DGKZ: variants seen among roughly 807,000 people sequenced by gnomAD.
DGKZ encodes DAG kinase zeta.
In DGKZ, 45 loss-of-function variants were observed where a neutral mutation model predicts 142.5. That is an observed-to-expected ratio of 0.32 (90% CI 0.25 to 0.40). The LOEUF (loss-of-function observed/expected upper bound fraction) is 0.40. Ranked by LOEUF, DGKZ falls within the 10% of genes least tolerant of loss-of-function variation. The probability of loss-of-function intolerance (pLI) is 1.00; values close to 1 mark genes in which losing one functional copy is unlikely to be tolerated. For synonymous variants in DGKZ, 442 were observed against 527.0 expected (o/e 0.84, Z 2.21); for missense variants, 755 against 1,306.5 (o/e 0.58, Z 6.51).
exon 1 of DGKZ, chr11:46,333,144 C>A: frequency 1.3e-6 from 1 of 766,320 alleles, no homozygotes; most frequent in Non-Finnish European, 1.8e-6. Context: ...GCGTCGGCGT[C>A]GCTAGGGACC....
At chr11:46,340,374 G>A (rs1940219503) in intron 1 of DGKZ, among the ~76,000 whole-genome samples, 1 of 152,234 alleles carries the variant, frequency 6.6e-6, no homozygotes, top group African/African-American at 2.4e-5. Context: ...GGGGCTTGGT[G>A]TAGTCCAGGG....
At chr11:46,363,387 A>G (rs1942894059) in intron 1 of DGKZ, among the ~76,000 whole-genome samples, 1 of 152,182 alleles carries the variant, frequency 6.6e-6, no homozygotes, top group Non-Finnish European at 1.5e-5. Context: ...ACACAGGGAA[A>G]CTGAGGCCCG....
upstream of DGKZ, among the ~76,000 whole-genome samples, chr11:46,346,184 C>T (rs1316061412): frequency 1.3e-5 from 2 of 152,214 alleles, no homozygotes; most frequent in Non-Finnish European, 2.9e-5. Context: ...CCGCAGGTCA[C>T]AGCCCTAAGC....
chr11:46,356,217 T>A (rs1040982911), intron 1 of DGKZ, among the ~76,000 whole-genome samples: 4 of 152,034 alleles, frequency 2.6e-5, no homozygotes, highest in African/African-American at 9.7e-5. Flanking sequence ...AAGGGAGATA[T>A]ATTGGCATTC....
intron 1 of DGKZ, among the ~76,000 whole-genome samples, chr11:46,339,660 G>A (rs1940181686): frequency 6.6e-6 from 1 of 152,266 alleles, no homozygotes; most frequent in Non-Finnish European, 1.5e-5. Context: ...AAGGGGCACA[G>A]CCACTTGGGC....
upstream of DGKZ, chr11:46,347,308 C>T: frequency 7.1e-6 from 7 of 985,016 alleles, no homozygotes; most frequent in Non-Finnish European, 8.4e-6. This position sits in a 1 kb window ranked among gnomAD's most constrained non-coding sequence, Gnocchi z 6.4. Context: ...CATTCGTCGC[C>T]CCGCCCCTCG....
In DGKZ at chr11:46,374,260, G is replaced by A. The variant is rs200410251; in HGVS notation, c.1405+25G>A. The A allele has an allele frequency of 2.3e-5, 37 of 1,613,812 alleles. No homozygotes were observed. The East Asian group carries it at 7.8e-4, about 34-fold the overall frequency. The stretch of plus-strand genomic sequence containing the variant: ...GGTTGGCAGCCTCCCACTGAGGCCA[G>A]GGCAGGGTGGGCACAGGAGTGTCCC... On this transcript the variant is annotated intron_variant, in intron 15 of 30. Transcript: ENST00000527911.
chr11:46,373,525 A>T, intron 14 of DGKZ, among the ~76,000 whole-genome samples: 2 of 133,980 alleles, frequency 1.5e-5, no homozygotes, highest in African/African-American at 2.9e-5. Flanking sequence ...TTTGTGACAG[A>T]GTCTCACTGT....
chr11:46,360,678 C>T (rs558689764), intron 1 of DGKZ, among the ~76,000 whole-genome samples: 48 of 152,122 alleles, frequency 3.2e-4, no homozygotes, highest in African/African-American at 1.0e-3. Context: ...CCCAGCTACT[C>T]GGGAAGCTGG....
chr11:46,377,518 G>C, intron 25 of DGKZ: 1 of 431,670 alleles, frequency 2.3e-6, no homozygotes, highest in Admixed American at 4.1e-5. Context: ...CTTCCCGGCT[G>C]CCACGCCCTG....
At chr11:46,378,700 G>T in intron 27 of DGKZ, 200 bp downstream of exon 27, 1 of 864,496 alleles carries the variant, frequency 1.2e-6, no homozygotes, top group Non-Finnish European at 1.9e-6. Context: ...TCCTAGTAGG[G>T]GCTTCCTAGC....
Position 46,367,666 on chromosome 11 carries a change from T to G in DGKZ, c.285T>G (p.Tyr95Ter). ...CCCGTGGCTAGGAGTCAGCGACATA[T>G]GGGGAGCACATCTGGTTCGAGACCA... The change falls in exon 3 of 31, where the codon TAT becomes TAG. Residue 95 changes from tyrosine to a stop codon, truncating the protein, a stop_gained. Coordinates refer to ENST00000527911, the Ensembl canonical transcript of DGKZ. LOFTEE classifies it high-confidence loss of function. This position sits in a 1 kb window ranked among gnomAD's most constrained non-coding sequence, Gnocchi z 4.1. 1 of 1,603,922 alleles carries G rather than the reference T, an allele frequency of 6.2e-7. No individual in the cohort carries two copies. Among genetic ancestry groups the G allele is most frequent in the Non-Finnish European group, 8.5e-7 (1 of 1,173,684 alleles).
At chr11:46,366,685 A>T (rs1943309170) in intron 1 of DGKZ, 1 of 1,573,912 alleles carries the variant, frequency 6.4e-7, no homozygotes, top group Non-Finnish European at 8.6e-7. Context: ...CACCAGGGCC[A>T]CCCCCACCTC....
At chr11:46,370,768 T>A (rs34830450) in intron 6 of DGKZ, among the ~76,000 whole-genome samples, 3,270 of 152,254 alleles carry the variant, frequency 0.021, 114 homozygotes, top group African/African-American at 0.069. Flanking sequence ...GCTTATCTTA[T>A]ACATATTTTT....
intron 1 of DGKZ, among the ~76,000 whole-genome samples, chr11:46,363,498 CAGAT>C (rs1942909656): frequency 6.6e-6 from 1 of 152,214 alleles, no homozygotes; most frequent in Non-Finnish European, 1.5e-5. Context: ...GACTCCTGGA[CAGAT>C]GTGGACCTGG....
chr11:46,360,685 C>A (rs1045583992), intron 1 of DGKZ, among the ~76,000 whole-genome samples: 4 of 152,070 alleles, frequency 2.6e-5, no homozygotes, highest in African/African-American at 9.7e-5. Flanking sequence ...ACTCGGGAAG[C>A]TGGGCCAGGA....
In DGKZ at chr11:46,372,186, CCT is replaced by C. The variant is rs779879925; in HGVS notation, c.927+20_927+21del. ...GGGCAACCAGGTGAACGCGGCCTTG[CCT>C]CTCAGCTAAGGGCTCGGGCGGGGGT... On this transcript the variant is annotated intron_variant, in intron 10 of 30. Transcript: ENST00000527911. This position sits in a 1 kb window ranked among gnomAD's most constrained non-coding sequence, Gnocchi z 5.9. The C allele has an allele frequency of 1.2e-4, 199 of 1,592,888 alleles. No homozygotes were observed. The highest frequency in any genetic ancestry group is 1.3e-4 in the Non-Finnish European group (151 of 1,167,608).
chr11:46,368,161 T>C (rs776878405), intron 4 of DGKZ, 82 bp downstream of exon 4: 3 of 1,450,790 alleles, frequency 2.1e-6, no homozygotes, highest in South Asian at 1.2e-5. Flanking sequence ...CCACATGTTA[T>C]ACAAACGGCC....
At chr11:46,377,710 TC>T (rs1325407531) in intron 25 of DGKZ, 1 of 204,674 alleles carries the variant, frequency 4.9e-6, no homozygotes, top group East Asian at 1.5e-4. Context: ...CCCAGCCCCC[TC>T]CCTGAGTTCA....
Sources: allele counts gnomAD v4.1 joint callset (sites outside exome capture counted in the v4.1 genomes callset), GRCh38; gene constraint gnomAD v4.1.1; non-coding constraint Gnocchi (gnomAD v3.1); transcripts MANE v1.5; gene names NCBI Gene and HGNC (gene_info 2026-07-23, HGNC 2026-07-21).